IRF2: variants seen among roughly 807,000 people sequenced by gnomAD.
The protein encoded by IRF2 is interferon regulatory factor 2.
A neutral mutation model predicts 40.6 loss-of-function variants in IRF2; 15 were observed. The observed-to-expected ratio is 0.37, with a 90% CI of 0.25 to 0.57. IRF2 has a LOEUF of 0.57. Ranked by LOEUF, IRF2 falls within the 20% of genes least tolerant of loss-of-function variation. IRF2 has a pLI of 0.77. For missense variants in IRF2, 317 were observed against 455.7 expected (o/e 0.70, Z 2.77); for synonymous variants, 151 against 165.5 (o/e 0.91, Z 0.67).
intron 1 of IRF2, among the ~76,000 whole-genome samples, chr4:184,433,950 C>T (rs1364972510): frequency 6.6e-6 from 1 of 152,166 alleles, no homozygotes; most frequent in African/African-American, 2.4e-5. Flanking sequence ...AGAAACGGAT[C>T]ATTTAGTTGG....
At chr4:184,425,601 C>A (rs754109925) in intron 2 of IRF2, among the ~76,000 whole-genome samples, 3 of 152,250 alleles carry the variant, frequency 2.0e-5, no homozygotes, top group Non-Finnish European at 2.9e-5. Flanking sequence ...CCAGCTGTAG[C>A]GGAGGAGCCC....
intron 2 of IRF2, among the ~76,000 whole-genome samples, chr4:184,427,993 T>G (rs1737731131): frequency 6.6e-6 from 1 of 152,206 alleles, no homozygotes; most frequent in Non-Finnish European, 1.5e-5. Context: ...GAAGGCATGA[T>G]ATATATTTAG....
chr4:184,428,785 T>C (rs1435618989), intron 2 of IRF2, 193 bp downstream of exon 2: 2 of 598,216 alleles, frequency 3.3e-6, no homozygotes, highest in Non-Finnish European at 6.2e-6. Flanking sequence ...GGCCATATAG[T>C]GAGACCCTGT....
In IRF2 at chr4:184,413,843, C is replaced by T. The variant is rs772721536; in HGVS notation, c.411+4324G>A. On this transcript the variant is annotated intron_variant, in intron 5 of 8. Coordinates refer to ENST00000393593, the MANE Select transcript of IRF2 (RefSeq NM_002199.4). This position sits in a 1 kb window ranked among gnomAD's most constrained non-coding sequence, Gnocchi z 4.2. ...CCTACATGCCTGTATTTCCCATTGC[C>T]CTCTCACACAAACTCCTGCTCTAAT... 6.6e-6 allele frequency among the ~76,000 whole-genome samples: 1 copy of T among 152,182 alleles called. No individual in the cohort carries two copies. The highest frequency in any genetic ancestry group is 1.5e-5 in the Non-Finnish European group (1 of 68,026).
chr4:184,414,660 A>G (rs1318192704), intron 5 of IRF2, among the ~76,000 whole-genome samples: 5 of 152,262 alleles, frequency 3.3e-5, no homozygotes, highest in African/African-American at 9.6e-5. Context: ...CCACATGGCC[A>G]ATGGGCCTTG....
rs1158733956 is a variant in IRF2, at chr4:184,388,012, T to C, written c.*746A>G. The C allele has an allele frequency of 1.3e-5, 2 of 152,676 alleles. No homozygotes were observed. The highest frequency in any genetic ancestry group is 2.9e-5 in the Non-Finnish European group (2 of 68,050). The allele number at this position is 152,676 out of a possible 1,614,324, so 9.5% of individuals were successfully genotyped here. ...TCTGGTTAGAATTAGAGTATTTTTG[T>C]CTTCAAATCTGGGAATTTGCATAAT... On this transcript the variant is annotated 3_prime_UTR_variant, in exon 9 of 9. Transcript: ENST00000393593. The surrounding 1 kb of genome is among the most constrained non-coding windows in gnomAD (Gnocchi z 4.6).
At chr4:184,473,858 C>A (rs66801661) in intron 1 of IRF2, 13 of 151,942 alleles carry the variant, frequency 8.6e-5, no homozygotes, top group Non-Finnish European at 1.3e-4. Flanking sequence ...AGGACCCGCT[C>A]CCCTCCTTCG....
intron 6 of IRF2, among the ~76,000 whole-genome samples, chr4:184,399,991 C>T (rs539385164): frequency 1.3e-5 from 2 of 152,306 alleles, no homozygotes; most frequent in South Asian, 4.1e-4. Context: ...AATATCGCAA[C>T]CAGAGTATTG....
chr4:184,398,877 G>A (rs201790611), intron 7 of IRF2, 38 bp downstream of exon 7: 145 of 1,547,150 alleles, frequency 9.4e-5, no homozygotes, highest in Non-Finnish European at 7.8e-5. Flanking sequence ...CTGCGCGGCC[G>A]GTTCCCACGC....
intron 1 of IRF2, among the ~76,000 whole-genome samples, chr4:184,430,067 A>C (rs984452681): frequency 2.6e-5 from 4 of 152,082 alleles, no homozygotes; most frequent in African/African-American, 9.7e-5. Flanking sequence ...CTCAATCCTG[A>C]TTGGTCCCTT....
intron 8 of IRF2, among the ~76,000 whole-genome samples, chr4:184,389,769 C>T (rs1369279439): frequency 1.3e-5 from 2 of 152,178 alleles, no homozygotes; most frequent in Admixed American, 6.5e-5. Context: ...TGTGGCACAG[C>T]GACTCGGTCC....
chr4:184,415,232 C>G (rs944192840), intron 5 of IRF2, among the ~76,000 whole-genome samples: 1 of 152,246 alleles, frequency 6.6e-6, no homozygotes, highest in South Asian at 2.1e-4. Flanking sequence ...AATCACCTGC[C>G]TTCCGCTGAA....
chr4:184,450,460 T>C lies in IRF2; in HGVS notation c.-6-21390A>G, dbSNP rs532833433. Among the ~76,000 whole-genome samples the C allele has an allele frequency of 1.1e-3, 165 of 152,380 alleles. No homozygotes were observed. In the Middle Eastern group the frequency reaches 0.014, roughly 13 times the overall value. On this transcript the variant is annotated intron_variant, in intron 1 of 8. Transcript: ENST00000393593. ...ACACTAGGCTTAATGTAGTGAATAATAGCACTGTTTAGTTCTGAAATGAAA... is the reference window on the plus strand; with the variant it reads ...ACACTAGGCTTAATGTAGTGAATAACAGCACTGTTTAGTTCTGAAATGAAA...
intron 7 of IRF2, among the ~76,000 whole-genome samples, chr4:184,396,925 G>A (rs1420463120): frequency 6.6e-6 from 1 of 152,102 alleles, no homozygotes; most frequent in East Asian, 1.9e-4. Context: ...CAGCAAGGCA[G>A]AACCCTATTT....
intron 1 of IRF2, among the ~76,000 whole-genome samples, chr4:184,456,603 AC>A (rs1738944174): frequency 6.6e-6 from 1 of 152,218 alleles, no homozygotes; most frequent in Admixed American, 6.5e-5. Context: ...CAGGGCACAC[AC>A]CCGGCTGACG....
In IRF2 at chr4:184,445,418, C is replaced by T. The variant is rs181370571; in HGVS notation, c.-6-16348G>A. Among the ~76,000 whole-genome samples the T allele has an allele frequency of 1.4e-4, 21 of 152,192 alleles. No homozygotes were observed. The East Asian group carries it at 3.5e-3, about 25-fold the overall frequency. On this transcript the variant is annotated intron_variant, in intron 1 of 8. Transcript: ENST00000393593. ...CCTGTAATCCCAGCACTTTGGGAGG[C>T]CAAGGCAGGCGGATTACGTGAGCTC...
chr4:184,406,128 C>T (rs1185169828), intron 6 of IRF2, among the ~76,000 whole-genome samples: 1 of 152,022 alleles, frequency 6.6e-6, no homozygotes, highest in Non-Finnish European at 1.5e-5. Flanking sequence ...AAGGGGTGAA[C>T]AACTCAGCTT....
At chr4:184,443,462 G>A (rs1051043923) in intron 1 of IRF2, among the ~76,000 whole-genome samples, 2 of 152,162 alleles carry the variant, frequency 1.3e-5, no homozygotes, top group African/African-American at 4.8e-5. Flanking sequence ...GTGAGAACAT[G>A]TGGTAGTATT....
At chr4:184,420,791 G>A (rs992179073) in intron 2 of IRF2, among the ~76,000 whole-genome samples, 5 of 152,164 alleles carry the variant, frequency 3.3e-5, no homozygotes, top group Non-Finnish European at 7.3e-5. Context: ...ACTGAGTGAG[G>A]TATATGTTAC....
Sources: allele counts gnomAD v4.1 joint callset (sites outside exome capture counted in the v4.1 genomes callset), GRCh38; gene constraint gnomAD v4.1.1; non-coding constraint Gnocchi (gnomAD v3.1); transcripts MANE v1.5; gene names NCBI Gene and HGNC (gene_info 2026-07-23, HGNC 2026-07-21).